EPS15: variants seen among roughly 807,000 people sequenced by gnomAD.
EPS15 encodes the protein epidermal growth factor receptor substrate 15.
Under a neutral mutation model 113.8 loss-of-function variants are expected in EPS15, and 72 were observed. That is an observed-to-expected ratio of 0.63 (90% CI 0.52 to 0.77). EPS15 has a LOEUF of 0.77. EPS15 is among the 30% of genes least tolerant of loss of function. EPS15 has a pLI of 0.00. For missense variants in EPS15, 1,048 were observed against 1,045.8 expected (o/e 1.00, Z -0.03); for synonymous variants, 344 against 363.4 (o/e 0.95, Z 0.61).
chr1:51,483,873 A>C (rs2148526633), intron 1 of EPS15, among the ~76,000 whole-genome samples: 1 of 152,078 alleles, frequency 6.6e-6, no homozygotes, highest in South Asian at 2.1e-4. Context: ...GGATTTGGGA[A>C]GCTATTGGGG....
chr1:51,513,635 T>C (rs775293338), intron 1 of EPS15, among the ~76,000 whole-genome samples: 4 of 152,204 alleles, frequency 2.6e-5, no homozygotes, highest in African/African-American at 4.8e-5. Context: ...TGAATTTATA[T>C]TGGTTTTTTA....
chr1:51,454,545 C>A (rs151261378), intron 8 of EPS15, among the ~76,000 whole-genome samples: 44 of 152,288 alleles, frequency 2.9e-4, no homozygotes, highest in African/African-American at 9.6e-4. Flanking sequence ...TGCAAAAACT[C>A]ATTTGTCCAG....
intron 20 of EPS15, among the ~76,000 whole-genome samples, chr1:51,398,705 C>A (rs1219231684): frequency 6.6e-6 from 1 of 151,868 alleles, no homozygotes; most frequent in African/African-American, 2.4e-5. Context: ...AATAATATAC[C>A]AAACATTTCA....
At chr1:51,448,219 C>A in intron 8 of EPS15, 84 bp from the exon 9 acceptor site, 2 of 731,844 alleles carry the variant, frequency 2.7e-6, no homozygotes, top group Non-Finnish European at 4.3e-6. Flanking sequence ...AATGATAAAT[C>A]ATCGTCAGGC....
At chr1:51,363,456 T>G (rs372944335) in intron 23 of EPS15, among the ~76,000 whole-genome samples, 16 of 152,192 alleles carry the variant, frequency 1.1e-4, no homozygotes, top group African/African-American at 3.6e-4. Flanking sequence ...GACTTTATAC[T>G]TTACAGGAAA....
chr1:51,373,729 T>C (rs918874196), intron 21 of EPS15, among the ~76,000 whole-genome samples: 1 of 152,156 alleles, frequency 6.6e-6, no homozygotes, highest in Non-Finnish European at 1.5e-5. Flanking sequence ...CACAATTAAA[T>C]GGCTTGAGGT....
At chr1:51,476,061 C>G (rs757446610) in intron 2 of EPS15, among the ~76,000 whole-genome samples, 5 of 151,990 alleles carry the variant, frequency 3.3e-5, no homozygotes, top group African/African-American at 4.8e-5. Flanking sequence ...GGTACTAGTC[C>G]CATGCTGTTT....
At chr1:51,357,500 G>A (rs6693551) in intron 24 of EPS15, among the ~76,000 whole-genome samples, 1 of 127,444 alleles carries the variant, frequency 7.8e-6, no homozygotes, top group African/African-American at 3.0e-5. Flanking sequence ...TAGTAGATTA[G>A]AAGATTTAAA....
chr1:51,389,349 C>T (rs1157162759), intron 21 of EPS15, among the ~76,000 whole-genome samples: 2 of 152,258 alleles, frequency 1.3e-5, no homozygotes, highest in East Asian at 3.9e-4. Flanking sequence ...ATGACAAACC[C>T]ACAGCCAATA....
intron 21 of EPS15, among the ~76,000 whole-genome samples, chr1:51,378,193 G>C (rs993985293): frequency 6.9e-6 from 1 of 145,442 alleles, no homozygotes; most frequent in African/African-American, 2.8e-5. Context: ...CACTGTGCCC[G>C]ATCATTAGCA....
chr1:51,428,702 C>T (rs181559834), intron 12 of EPS15, among the ~76,000 whole-genome samples: 4 of 151,864 alleles, frequency 2.6e-5, no homozygotes, highest in Non-Finnish European at 5.9e-5. Flanking sequence ...TGGCAGGCGC[C>T]TGTAATCCCA....
chr1:51,447,729 A>T (rs1653181596), intron 9 of EPS15, among the ~76,000 whole-genome samples: 1 of 152,232 alleles, frequency 6.6e-6, no homozygotes, highest in African/African-American at 2.4e-5. Flanking sequence ...GGGAGATCAA[A>T]ATAAAACCAA....
intron 1 of EPS15, among the ~76,000 whole-genome samples, chr1:51,498,776 T>C (rs1457976428): frequency 6.6e-6 from 1 of 152,210 alleles, no homozygotes; most frequent in Middle Eastern, 3.2e-3. Flanking sequence ...TTTCTATTTC[T>C]GTCTTTATGA....
intron 16 of EPS15, 145 bp downstream of exon 16, chr1:51,405,760 G>C: frequency 1.5e-6 from 1 of 646,712 alleles, no homozygotes. Flanking sequence ...CAATTGTTTG[G>C]ATTAGGACTC....
chr1:51,461,352 C>A (rs1298505067), intron 7 of EPS15, among the ~76,000 whole-genome samples: 1 of 151,412 alleles, frequency 6.6e-6, no homozygotes, highest in African/African-American at 2.4e-5. Context: ...CCCATCTCTA[C>A]AAAAGATAAA....
intron 1 of EPS15, among the ~76,000 whole-genome samples, chr1:51,501,170 G>C (rs1644405212): frequency 1.3e-5 from 2 of 151,888 alleles, no homozygotes; most frequent in Non-Finnish European, 2.9e-5. Flanking sequence ...CACTTTGAGA[G>C]CCCGAGGCGG....
At chr1:51,372,906 C>A in intron 21 of EPS15, 2 of 782,366 alleles carry the variant, frequency 2.6e-6, no homozygotes, top group Non-Finnish European at 3.7e-6. Flanking sequence ...AAAACAGCCA[C>A]AGGCAAGCTG....
intron 21 of EPS15, among the ~76,000 whole-genome samples, chr1:51,384,467 A>G (rs1165963355): frequency 6.6e-6 from 1 of 151,458 alleles, no homozygotes; most frequent in East Asian, 1.9e-4. Context: ...TGCCTGGCTA[A>G]TTTTTGCATT....
intron 1 of EPS15, among the ~76,000 whole-genome samples, chr1:51,496,980 A>T (rs545772239): frequency 6.6e-6 from 1 of 152,208 alleles, no homozygotes; most frequent in African/African-American, 2.4e-5. Context: ...GACACATAGA[A>T]GATAATAAAT....
Sources: gnomAD v4.1 joint callset for allele counts (sites outside exome capture counted in the v4.1 genomes callset) on GRCh38, gnomAD v4.1.1 for gene constraint, MANE v1.5 for transcripts, NCBI Gene and HGNC (gene_info 2026-07-23, HGNC 2026-07-21) for gene names.